The following VWF variants were observed in gnomAD, a reference collection of about 807,000 sequenced individuals.
VWF encodes Factor VIII related antigen.
A neutral mutation model predicts 308.6 loss-of-function variants in VWF; 176 were observed. That is an observed-to-expected ratio of 0.57 (90% CI 0.50 to 0.65). The LOEUF (loss-of-function observed/expected upper bound fraction) is 0.65. Among genes scored for constraint, VWF ranks in the 30% least tolerant of loss-of-function variants. The pLI, the probability that VWF is intolerant of heterozygous loss-of-function variation, is 0.00. For synonymous variants in VWF, 1,385 were observed against 1,443.4 expected (o/e 0.96, Z 0.92); for missense variants, 3,146 against 3,648.2 (o/e 0.86, Z 3.55).
intron 42 of VWF, 106 bp downstream of exon 42, chr12:5,981,680 T>A: frequency 8.1e-7 from 1 of 1,237,776 alleles, no homozygotes. Context: ...AAATATTGGA[T>A]GGGTAGGTGG....
intron 17 of VWF, among the ~76,000 whole-genome samples, chr12:6,045,186 A>C (rs1944435361): frequency 1.3e-5 from 2 of 152,234 alleles, no homozygotes; most frequent in South Asian, 4.1e-4. Flanking sequence ...TCAATGGCTA[A>C]TTGGGTAATA....
At chr12:6,029,577 C>T in intron 21 of VWF, 89 bp from the exon 22 acceptor site, 2 of 1,551,188 alleles carry the variant, frequency 1.3e-6, no homozygotes, top group Non-Finnish European at 1.8e-6. Context: ...GCCCATCTGT[C>T]TTCAGTGCCC....
At chr12:6,043,540 T>G (rs1944414457) in intron 18 of VWF, among the ~76,000 whole-genome samples, 1 of 130,162 alleles carries the variant, frequency 7.7e-6, no homozygotes, top group Admixed American at 7.0e-5. Flanking sequence ...ATCTGGAAGT[T>G]GCATCCTTCA....
At chr12:5,984,044 A>T (rs146839516) in intron 40 of VWF, among the ~76,000 whole-genome samples, 72 of 152,294 alleles carry the variant, frequency 4.7e-4, no homozygotes, top group Non-Finnish European at 9.4e-4. Context: ...AGACAGATAG[A>T]TCAATCCAAG....
chr12:5,972,738 C>T (rs1315783391), intron 43 of VWF, among the ~76,000 whole-genome samples: 1 of 152,160 alleles, frequency 6.6e-6, no homozygotes, highest in Admixed American at 6.5e-5. Context: ...AGATTCTAGT[C>T]ATTTACTGTG....
intron 14 of VWF, 60 bp downstream of exon 14, chr12:6,057,789 C>A: frequency 6.5e-7 from 1 of 1,540,896 alleles, no homozygotes; most frequent in Non-Finnish European, 8.7e-7. Flanking sequence ...GAACGCACTG[C>A]ACTAATGTGG....
At chr12:6,118,753 G>A (rs10849385) in intron 3 of VWF, among the ~76,000 whole-genome samples, 74,746 of 151,912 alleles carry the variant, frequency 0.49, 20,075 homozygotes, top group Non-Finnish European at 0.63. Context: ...ATCACAGGTA[G>A]TGGTCTGTAT....
intron 3 of VWF, among the ~76,000 whole-genome samples, chr12:6,119,228 G>A (rs1245900429): frequency 3.3e-5 from 5 of 152,088 alleles, no homozygotes; most frequent in Admixed American, 1.3e-4. Flanking sequence ...CTCCAGTCCC[G>A]CACCCTCAAA....
intron 9 of VWF, 30 bp from the exon 10 acceptor site, chr12:6,071,373 G>A: frequency 3.1e-6 from 5 of 1,613,888 alleles, no homozygotes; most frequent in Non-Finnish European, 4.2e-6. Context: ...CAGGTCATTG[G>A]TGGTTCTGCA....
chr12:6,044,425 G>C lies in VWF; in HGVS notation c.2308C>G (p.Pro770Ala). ...RSKRSLSCRPPMVKLVCPADN... is the reference protein window; with the variant it reads ...RSKRSLSCRPAMVKLVCPADN... ...GCGGGACACACCAGCTTGACCATGG[G>C]GGGCCGACAGGATAGGCTCCTTTTG... Residue 770 changes from proline to alanine, a missense_variant, in exon 18 of 52, where the codon CCC becomes GCC. Around this residue, in one of 3 missense-constraint regions of VWF, gnomAD observed 1,304 missense variants for 1,353.0 expected, o/e 0.96. Coordinates refer to ENST00000261405, the MANE Select transcript of VWF (RefSeq NM_000552.5). The C allele has an allele frequency of 6.2e-7, 1 of 1,614,192 alleles. No individual in the cohort carries two copies. The highest frequency in any genetic ancestry group is 1.3e-5 in the African/African-American group (1 of 75,040).
rs1591889151 is a variant in VWF at position 6,056,765 on chromosome 12, A to G, written c.1945+92T>C. 8.7e-6 allele frequency: 10 copies of G among 1,148,370 alleles called. No individual in the cohort carries two copies. The East Asian group carries it at 3.3e-4, about 37-fold the overall frequency. 71.1% of individuals were successfully genotyped at this position (1,148,370 alleles called of 1,614,324 possible). ...TCACAATGCCCTACGCCCTCTTTCC[A>G]CAGGAAACAACGCAGAGAAAGGGCT... is the stretch of plus-strand genomic sequence containing the variant. On this transcript the variant is annotated intron_variant, in intron 15 of 51. Transcript: ENST00000261405.
chr12:6,023,578 G>A, intron 25 of VWF, 53 bp downstream of exon 25: 1 of 1,609,982 alleles, frequency 6.2e-7, no homozygotes, highest in East Asian at 2.2e-5. Flanking sequence ...TTCAAGCATA[G>A]ACACATGGGA....
chr12:5,974,147 G>A (rs568662843), intron 43 of VWF, among the ~76,000 whole-genome samples: 14 of 152,194 alleles, frequency 9.2e-5, no homozygotes, highest in East Asian at 1.9e-4. Flanking sequence ...CTCTGAGGTC[G>A]GACCAGAGCT....
At chr12:6,000,859 C>CCAACTAAGAG in intron 34 of VWF, among the ~76,000 whole-genome samples, 1 of 150,902 alleles carries the variant, frequency 6.6e-6, no homozygotes, top group South Asian at 2.1e-4. Context: ...AACATTTCCT[C>CCAACTAAGAG]CAACTAAGAG....
chr12:6,015,890 T>C lies in VWF; in HGVS notation c.5455+199A>G, dbSNP rs2854866. Reference sequence around the variant, plus strand: ...ATTAGTTATAAAGATATAGGATCAATACACACTTTTTATTGTTTGGTTTCC... The same window carrying C: ...ATTAGTTATAAAGATATAGGATCAACACACACTTTTTATTGTTTGGTTTCC... On this transcript the variant is annotated intron_variant, in intron 31 of 51. Coordinates refer to ENST00000261405, the MANE Select transcript of VWF (RefSeq NM_000552.5). Among the ~76,000 whole-genome samples, 30,671 of 152,184 alleles carry C rather than the reference T, an allele frequency of 0.2. 5,442 individuals carry two copies. The highest frequency in any genetic ancestry group is 0.49 in the African/African-American group (20,231 of 41,466).
chr12:6,041,167 C>T (rs562199895), intron 18 of VWF, among the ~76,000 whole-genome samples: 1 of 152,102 alleles, frequency 6.6e-6, no homozygotes, highest in Non-Finnish European at 1.5e-5. Flanking sequence ...TGGTGGCTCA[C>T]ACCTGTAATC....
At position 5,992,149 on chromosome 12, in the gene VWF, A is replaced by T. The variant is rs71581019; in HGVS notation, c.6599-131T>A. 1.6e-3 allele frequency: 1,337 copies of T among 812,808 alleles called. 19 individuals are homozygous for T. The African/African-American group carries it at 0.018, about 11-fold the overall frequency. The allele number at this position is 812,808 out of a possible 1,614,324, so 50.3% of individuals were successfully genotyped here. A position where few individuals can be genotyped will look rare whatever the true frequency, so the allele number is the denominator to read the frequency against. On this transcript the variant is annotated intron_variant, in intron 37 of 51. Transcript: ENST00000261405. ...AGACGGCTATTTTCCACCAATCTTCATCCTCCCCACCTTCCATAGAAACAG... is the reference window on the plus strand; with the variant it reads ...AGACGGCTATTTTCCACCAATCTTCTTCCTCCCCACCTTCCATAGAAACAG...
chr12:6,122,525 T>A (rs1483204171), intron 2 of VWF, among the ~76,000 whole-genome samples: 5 of 152,174 alleles, frequency 3.3e-5, no homozygotes, highest in Admixed American at 2.0e-4. Context: ...GCAGAGAGTG[T>A]GACAAATGTG....
chr12:6,069,441 G>A (rs571541392), intron 10 of VWF, among the ~76,000 whole-genome samples: 11 of 152,084 alleles, frequency 7.2e-5, no homozygotes, highest in African/African-American at 1.2e-4. Context: ...GAGAAGCTCC[G>A]GCCTGCTCCT....
Sources: allele counts gnomAD v4.1 joint callset (sites outside exome capture counted in the v4.1 genomes callset), GRCh38; gene constraint gnomAD v4.1.1; regional missense constraint gnomAD v4.1.1; transcripts MANE v1.5; gene names NCBI Gene and HGNC (gene_info 2026-07-23, HGNC 2026-07-21).